Variants in PSD2 observed in about 807,000 individuals in gnomAD.
The protein encoded by PSD2 is pleckstrin and Sec7 domain containing 2.
A neutral mutation model predicts 69.8 loss-of-function variants in PSD2; 38 were observed. The ratio of observed to expected loss-of-function variants is 0.54; its 90% CI spans 0.42 to 0.71. The LOEUF (loss-of-function observed/expected upper bound fraction) is 0.71. Ranked by LOEUF, PSD2 falls within the 30% of genes least tolerant of loss-of-function variation. PSD2 has a pLI of 0.00. For missense variants in PSD2, 943 were observed against 1,014.5 expected, an observed-to-expected ratio of 0.93 and a Z score of 0.96; for synonymous variants, 412 against 423.0, an observed-to-expected ratio of 0.97 and a Z score of 0.32.
the PSD2 span, among the ~76,000 whole-genome samples, chr5:139,783,747 G>A: frequency 2.0e-5 from 3 of 152,184 alleles, no homozygotes; most frequent in Non-Finnish European, 4.4e-5. Flanking sequence ...TGCTGCTAAA[G>A]CCAAGGGAGA....
At chr5:139,841,681 CT>C (rs1368907078) in intron 14 of PSD2, among the ~76,000 whole-genome samples, 1 of 152,212 alleles carries the variant, frequency 6.6e-6, no homozygotes, top group Non-Finnish European at 1.5e-5. Context: ...CATGTATTTT[CT>C]GCTCTTTCGA....
chr5:139,822,831 C>CAA, intron 7 of PSD2, 47 bp downstream of exon 7: 1 of 1,542,754 alleles, frequency 6.5e-7, no homozygotes, highest in African/African-American at 1.4e-5. Context: ...TCTCAGGGAC[C>CAA]CACCTTGTGT....
chr5:139,831,048 T>A (rs1760589638), intron 7 of PSD2, among the ~76,000 whole-genome samples: 1 of 152,120 alleles, frequency 6.6e-6, no homozygotes, highest in Non-Finnish European at 1.5e-5. Context: ...CAGCCAAGAT[T>A]GTGAATATGT....
chr5:139,788,053 C>G, the PSD2 span, among the ~76,000 whole-genome samples: 1 of 152,234 alleles, frequency 6.6e-6, no homozygotes, highest in Non-Finnish European at 1.5e-5. Context: ...CGCTTCCTTT[C>G]AGAGTGCGGG....
chr5:139,802,000 C>T (rs1759685388), intron 1 of PSD2, among the ~76,000 whole-genome samples: 1 of 152,202 alleles, frequency 6.6e-6, no homozygotes, highest in African/African-American at 2.4e-5. Flanking sequence ...CCCAGCACAG[C>T]CCCTTTCACA....
chr5:139,767,555 T>C, the PSD2 span, among the ~76,000 whole-genome samples: 1 of 152,184 alleles, frequency 6.6e-6, no homozygotes, highest in African/African-American at 2.4e-5. Context: ...TCTCAAGTGA[T>C]CTGCCCACCT....
Position 139,842,423 on chromosome 5 carries a change from C to T in PSD2, c.2265C>T (p.Gly755=). The part of the protein sequence containing the change: ...KTHSSPALSQ[G]HVTGSKTTKD... ...ATTCAAGCCCTGCCCTCAGCCAGGG[C>T]CATGTGACTGGCAGCAAAACCACAA... is the stretch of plus-strand genomic sequence containing the variant. The change falls in exon 15 of 15, where the codon GGC becomes GGT. Residue 755 remains glycine (G), a synonymous_variant. Transcript: ENST00000274710. 2 of 1,614,174 alleles carry T rather than the reference C, an allele frequency of 1.2e-6. No homozygotes were observed. The highest frequency in any genetic ancestry group is 2.2e-5 in the South Asian group (2 of 91,078).
intron 12 of PSD2, 69 bp from the exon 13 acceptor site, chr5:139,838,559 C>G: frequency 1.9e-6 from 3 of 1,547,720 alleles, no homozygotes; most frequent in Non-Finnish European, 2.7e-6. Context: ...GTGCTGGGTA[C>G]GGGATGCTGA....
the PSD2 span, among the ~76,000 whole-genome samples, chr5:139,773,194 C>A: frequency 3.3e-5 from 5 of 152,100 alleles, no homozygotes; most frequent in Non-Finnish European, 7.4e-5. Flanking sequence ...AAAACAGTAA[C>A]TCCCCCACCT....
the PSD2 span, among the ~76,000 whole-genome samples, chr5:139,786,475 G>C: frequency 6.6e-6 from 1 of 152,196 alleles, no homozygotes; most frequent in Non-Finnish European, 1.5e-5. Flanking sequence ...GTATGCCCAG[G>C]TGTCATGGAC....
the PSD2 span, among the ~76,000 whole-genome samples, chr5:139,765,859 A>G: frequency 6.6e-6 from 1 of 152,096 alleles, no homozygotes; most frequent in Non-Finnish European, 1.5e-5. Flanking sequence ...TTTGGCTCTG[A>G]GAAGGGGCGC....
the PSD2 span, among the ~76,000 whole-genome samples, chr5:139,766,921 C>CCTCT: frequency 1.0e-3 from 32 of 31,432 alleles, 4 homozygotes; most frequent in East Asian, 1.9e-3. Context: ...TCCTTCCTTC[C>CCTCT]TTCCTTCCCT....
At chr5:139,803,228 G>T (rs1326648888) in intron 1 of PSD2, among the ~76,000 whole-genome samples, 1 of 152,224 alleles carries the variant, frequency 6.6e-6, no homozygotes, top group Non-Finnish European at 1.5e-5. Flanking sequence ...CCCCCTCCTG[G>T]CCCCACGGGA....
chr5:139,752,756 T>C, the PSD2 span, among the ~76,000 whole-genome samples: 1 of 151,974 alleles, frequency 6.6e-6, no homozygotes, highest in Non-Finnish European at 1.5e-5. Context: ...ACACACAAGC[T>C]CTCGCCCCCA....
chr5:139,793,695 C>T (rs986588218), upstream of PSD2, among the ~76,000 whole-genome samples: 7 of 152,186 alleles, frequency 4.6e-5, no homozygotes, highest in Admixed American at 1.3e-4. Flanking sequence ...TGAACCCTTT[C>T]AAGGGGCTCA....
chr5:139,810,727 G>C (rs1253514056), intron 2 of PSD2, among the ~76,000 whole-genome samples: 1 of 152,202 alleles, frequency 6.6e-6, no homozygotes, highest in Admixed American at 6.5e-5. Flanking sequence ...CTGTGGCACT[G>C]GGTGTGCCAT....
chr5:139,825,285 C>T (rs933616386), intron 7 of PSD2, among the ~76,000 whole-genome samples: 6 of 152,216 alleles, frequency 3.9e-5, no homozygotes, highest in African/African-American at 9.6e-5. Flanking sequence ...TCTAGGACCA[C>T]GCATTTCAGG....
At chr5:139,830,586 C>CTT (rs1234723380) in intron 7 of PSD2, among the ~76,000 whole-genome samples, 8 of 134,248 alleles carry the variant, frequency 6.0e-5, no homozygotes, top group African/African-American at 1.3e-4. Flanking sequence ...TTCTTTCTTT[C>CTT]TTTCTTTTTC....
rs529095571 is a variant in PSD2, at chr5:139,828,121, C to T, written c.1269+5337C>T. 2.6e-3 allele frequency among the ~76,000 whole-genome samples: 397 copies of T among 152,184 alleles called. 3 individuals carry two copies. The highest frequency in any genetic ancestry group is 4.5e-3 in the Non-Finnish European group (309 of 68,014). ...TGGGGGATGTCAGAGAACGGTGATT[C>T]GCAAGCTCCAGCCATGAGAAAATGG... On this transcript the variant is annotated intron_variant, in intron 7 of 14. Transcript: ENST00000274710.
Sources: allele counts gnomAD v4.1 joint callset (sites outside exome capture counted in the v4.1 genomes callset), GRCh38; gene constraint gnomAD v4.1.1; transcripts MANE v1.5; gene names NCBI Gene and HGNC (gene_info 2026-07-23, HGNC 2026-07-21).